DGKB: variants seen among roughly 807,000 people sequenced by gnomAD.
DGKB encodes the protein diacylglycerol kinase beta.
In DGKB, 67 loss-of-function variants were observed where a neutral mutation model predicts 114.3. The observed-to-expected ratio is 0.59, with a 90% CI of 0.48 to 0.72. The LOEUF (loss-of-function observed/expected upper bound fraction) is 0.72. Ranked by LOEUF, DGKB falls within the 30% of genes least tolerant of loss-of-function variation. The pLI is 0.00. For synonymous variants in DGKB, 398 were observed against 323.1 expected (o/e 1.23, Z -2.49); for missense variants, 907 against 975.2 (o/e 0.93, Z 0.93).
chr7:14,969,180 G>A (rs923680762), intron 1 of DGKB, among the ~76,000 whole-genome samples: 1 of 152,016 alleles, frequency 6.6e-6, no homozygotes, highest in Admixed American at 6.6e-5. Flanking sequence ...TTCTAGTATC[G>A]CAAAAAATTT....
intron 12 of DGKB, among the ~76,000 whole-genome samples, chr7:14,676,780 T>C (rs549811137): frequency 6.6e-6 from 1 of 151,942 alleles, no homozygotes; most frequent in African/African-American, 2.4e-5. Context: ...TCATCAAGAA[T>C]AGAAATGAAC....
intron 2 of DGKB, among the ~76,000 whole-genome samples, chr7:14,776,378 A>G (rs1350795992): frequency 6.6e-6 from 1 of 152,206 alleles, no homozygotes; most frequent in Non-Finnish European, 1.5e-5. Flanking sequence ...AAATGACTCC[A>G]GGGTATGTCA....
chr7:14,774,505 A>G (rs992061723), intron 2 of DGKB, among the ~76,000 whole-genome samples: 1 of 152,184 alleles, frequency 6.6e-6, no homozygotes, highest in Non-Finnish European at 1.5e-5. Flanking sequence ...GCTATAGCAT[A>G]CTGATGATTT....
chr7:14,526,705 A>G (rs1469012762), intron 20 of DGKB, among the ~76,000 whole-genome samples: 1 of 152,176 alleles, frequency 6.6e-6, no homozygotes, highest in African/African-American at 2.4e-5. Flanking sequence ...TAGGATATCA[A>G]ACAATGCATT....
chr7:14,599,044 T>A (rs1159784215), intron 17 of DGKB, among the ~76,000 whole-genome samples: 1 of 152,212 alleles, frequency 6.6e-6, no homozygotes, highest in Non-Finnish European at 1.5e-5. Context: ...TTATTTTTGG[T>A]CACGTTTTAG....
chr7:14,342,058 G>A (rs2128584193), intron 22 of DGKB, among the ~76,000 whole-genome samples: 1 of 151,928 alleles, frequency 6.6e-6, no homozygotes, highest in African/African-American at 2.4e-5. Context: ...TCTGGCTATT[G>A]CCTCTAAGAA....
intron 20 of DGKB, among the ~76,000 whole-genome samples, chr7:14,489,091 C>T (rs751898782): frequency 6.7e-6 from 1 of 149,382 alleles, no homozygotes; most frequent in Non-Finnish European, 1.5e-5. Context: ...AAAATCTTTA[C>T]TAAGATGATC....
rs577232559 is a variant in DGKB at position 14,808,348 on chromosome 7, G to A, written c.70+32846C>T. On this transcript the variant is annotated intron_variant, in intron 2 of 25. Transcript: ENST00000402815. ...ATAAATACTTAGAAATATGAAAAGG[G>A]TAAACAAACTTGCACATTGAGGTAG... 1.7e-4 allele frequency among the ~76,000 whole-genome samples: 26 copies of A among 152,088 alleles called. No individual in the cohort carries two copies. In the South Asian group the frequency reaches 5.4e-3, roughly 32 times the overall value.
At chr7:14,574,078 A>G (rs1314800130) in intron 20 of DGKB, 134 bp downstream of exon 20, 1 of 635,034 alleles carries the variant, frequency 1.6e-6, no homozygotes, top group Non-Finnish European at 2.6e-6. Context: ...ATAATTGCCT[A>G]TTAGAAGAGA....
In DGKB at chr7:14,678,499, C is replaced by A. The variant is rs190112364; in HGVS notation, c.1035+4054G>T. On this transcript the variant is annotated intron_variant, in intron 12 of 25. Transcript: ENST00000402815. The stretch of plus-strand genomic sequence containing the variant: ...AGGGAAACATGGCCTCCCCAAGGGA[C>A]TGCCAACAGAAATACACAGCTATGG... 2.7e-3 allele frequency among the ~76,000 whole-genome samples: 406 copies of A among 152,100 alleles called. 1 individual carries two copies. The highest frequency in any genetic ancestry group is 4.4e-3 in the Non-Finnish European group (302 of 67,944).
intron 1 of DGKB, among the ~76,000 whole-genome samples, chr7:14,894,457 T>G (rs1170559593): frequency 2.0e-5 from 3 of 151,572 alleles, no homozygotes; most frequent in Non-Finnish European, 3.0e-5. Flanking sequence ...GAGAAAAATT[T>G]TTTATCAATA....
At chr7:14,721,845 A>G (rs1326388844) in intron 5 of DGKB, among the ~76,000 whole-genome samples, 1 of 149,624 alleles carries the variant, frequency 6.7e-6, no homozygotes, top group Admixed American at 6.6e-5. Context: ...GTAGAACAGG[A>G]CTTAATTCTT....
chr7:14,954,330 T>C (rs1391468610), intron 1 of DGKB, among the ~76,000 whole-genome samples: 1 of 151,946 alleles, frequency 6.6e-6, no homozygotes, highest in Non-Finnish European at 1.5e-5. Flanking sequence ...GCACTGAAGA[T>C]GAAAATGCTT....
At chr7:14,285,354 T>C (rs148025813) in intron 23 of DGKB, among the ~76,000 whole-genome samples, 95 of 152,262 alleles carry the variant, frequency 6.2e-4, no homozygotes, top group African/African-American at 2.0e-3. Flanking sequence ...CAAATTACTA[T>C]TGGAGCAAAG....
chr7:14,817,840 G>A (rs756218002), intron 2 of DGKB, among the ~76,000 whole-genome samples: 4 of 152,008 alleles, frequency 2.6e-5, no homozygotes, highest in Non-Finnish European at 5.9e-5. Context: ...ATTTTTAAAT[G>A]CTTCCTATTG....
chr7:14,361,133 T>C (rs1000571587), intron 21 of DGKB, among the ~76,000 whole-genome samples: 2 of 152,126 alleles, frequency 1.3e-5, no homozygotes, highest in Non-Finnish European at 2.9e-5. Flanking sequence ...AAGTGTTTTT[T>C]ACCTTTTGTT....
At chr7:14,916,996 T>C (rs36850) in intron 1 of DGKB, among the ~76,000 whole-genome samples, 19,330 of 152,062 alleles carry the variant, frequency 0.13, 1,650 homozygotes, top group Non-Finnish European at 0.19. Flanking sequence ...TAGAAAATAA[T>C]AAAATATTTA....
Position 14,400,924 on chromosome 7 carries a change from G to T in DGKB, c.1836-55533C>A, listed in dbSNP as rs147343848. 9.7e-4 allele frequency among the ~76,000 whole-genome samples: 147 copies of T among 151,806 alleles called. 1 individual carries two copies. The highest frequency in any genetic ancestry group is 3.4e-3 in the African/African-American group (143 of 41,486). Reference sequence around the variant, plus strand: ...TGGGGGGTCCAGAGATTTATATTCAGGGAATCTACCGAGCTATCCTTGACT... The same window carrying T: ...TGGGGGGTCCAGAGATTTATATTCATGGAATCTACCGAGCTATCCTTGACT... On this transcript the variant is annotated intron_variant, in intron 21 of 25. Coordinates refer to ENST00000402815, the MANE Select transcript of DGKB (RefSeq NM_001350709.2).
intron 13 of DGKB, among the ~76,000 whole-genome samples, chr7:14,648,755 T>G (rs1218721524): frequency 1.4e-5 from 2 of 143,066 alleles, no homozygotes; most frequent in African/African-American, 5.1e-5. Flanking sequence ...GAAAAAAATT[T>G]AGAAGAATGT....
Sources: gnomAD v4.1 joint callset for allele counts (sites outside exome capture counted in the v4.1 genomes callset) on GRCh38, gnomAD v4.1.1 for gene constraint, MANE v1.5 for transcripts, NCBI Gene and HGNC (gene_info 2026-07-23, HGNC 2026-07-21) for gene names.